Variants in ESCO1 observed in about 807,000 individuals in gnomAD.
ESCO1 encodes establishment of sister chromatid cohesion N-acetyltransferase 1.
Under a neutral mutation model 83.5 loss-of-function variants are expected in ESCO1, and 33 were observed. The observed-to-expected ratio is 0.40, with a 90% confidence interval of 0.30 to 0.53. The LOEUF is 0.53. Among genes scored for constraint, ESCO1 ranks in the 20% least tolerant of loss-of-function variants. ESCO1 has a pLI of 0.63. For synonymous variants in ESCO1, 332 were observed against 324.3 expected (o/e 1.02, Z -0.25); for missense variants, 855 against 968.0 (o/e 0.88, Z 1.55).
intron 5 of ESCO1, among the ~76,000 whole-genome samples, chr18:21,567,448 A>C (rs1009845500): frequency 2.0e-5 from 3 of 152,054 alleles, no homozygotes; most frequent in Admixed American, 6.6e-5. Flanking sequence ...TACAGGCTTG[A>C]GCCACCACGA....
intron 1 of ESCO1, among the ~76,000 whole-genome samples, chr18:21,592,518 C>T (rs1369980055): frequency 4.0e-5 from 6 of 148,924 alleles, no homozygotes; most frequent in Non-Finnish European, 9.0e-5. Context: ...AGAGGCGCCC[C>T]TCACCTCCTG....
At chr18:21,572,669 A>C (rs147335902) in intron 4 of ESCO1, among the ~76,000 whole-genome samples, 53 of 152,308 alleles carry the variant, frequency 3.5e-4, no homozygotes, top group African/African-American at 1.2e-3. Flanking sequence ...TTTAGGTCAA[A>C]AGTAGTCCCT....
chr18:21,586,319 T>C (rs2038576059), intron 1 of ESCO1, among the ~76,000 whole-genome samples: 2 of 152,244 alleles, frequency 1.3e-5, no homozygotes, highest in African/African-American at 4.8e-5. Flanking sequence ...CTGAACATAA[T>C]GTCTTCCAGT....
chr18:21,595,092 C>T (rs1427416574), intron 1 of ESCO1, among the ~76,000 whole-genome samples: 1 of 151,852 alleles, frequency 6.6e-6, no homozygotes, highest in Non-Finnish European at 1.5e-5. Context: ...AGCGATCCAC[C>T]TGCCTCGGCC....
chr18:21,537,931 T>C (rs909832280), intron 9 of ESCO1, among the ~76,000 whole-genome samples: 2 of 151,786 alleles, frequency 1.3e-5, no homozygotes, highest in African/African-American at 2.4e-5. Flanking sequence ...TCAATAAACA[T>C]ATTGGAAAAT....
chr18:21,551,455 C>A (rs2038047071), intron 8 of ESCO1, among the ~76,000 whole-genome samples: 1 of 152,106 alleles, frequency 6.6e-6, no homozygotes, highest in Non-Finnish European at 1.5e-5. Flanking sequence ...AAAAGAAACT[C>A]AATGTCTAAA....
At chr18:21,549,640 ATG>A (rs1468354582) in intron 8 of ESCO1, among the ~76,000 whole-genome samples, 1 of 151,990 alleles carries the variant, frequency 6.6e-6, no homozygotes, top group Non-Finnish European at 1.5e-5. Flanking sequence ...GTTTCAATGT[ATG>A]TATTTGGGAG....
intron 4 of ESCO1, among the ~76,000 whole-genome samples, chr18:21,570,120 T>TA (rs1256510578): frequency 6.6e-6 from 1 of 152,162 alleles, no homozygotes; most frequent in Admixed American, 6.6e-5. Flanking sequence ...TCTTTTGAGA[T>TA]AGAGTCTCAC....
Position 21,574,860 on chromosome 18 carries a change from T to C in ESCO1, c.-17A>G. ...GGACATCATTCCTGAGTAATGACTT[T>C]CTTTTCTGAGTAGTTTTGAAGAGGA... On this transcript the variant is annotated 5_prime_UTR_variant, in exon 4 of 12. Coordinates refer to ENST00000269214, the MANE Select transcript of ESCO1 (RefSeq NM_052911.3). 6.4e-7 allele frequency: 1 copy of C among 1,552,062 alleles called. No individual in the cohort carries two copies. Among genetic ancestry groups the C allele is most frequent in the Non-Finnish European group, 8.6e-7 (1 of 1,162,506 alleles).
chr18:21,584,501 C>T (rs1198853044), intron 1 of ESCO1, 61 bp from the exon 2 acceptor site: 3 of 150,854 alleles, frequency 2.0e-5, no homozygotes, highest in Non-Finnish European at 4.4e-5. Flanking sequence ...ACAACTTAGA[C>T]AAACCTAGAC....
chr18:21,537,871 GAAC>G (rs1169630311), intron 9 of ESCO1, among the ~76,000 whole-genome samples: 3 of 151,880 alleles, frequency 2.0e-5, no homozygotes, highest in African/African-American at 7.3e-5. Flanking sequence ...GTTGACCCTC[GAAC>G]AACAAAAGTT....
Position 21,570,597 on chromosome 18 carries a change from T to A in ESCO1, c.1531-2503A>T, listed in dbSNP as rs571798083. On this transcript the variant is annotated intron_variant, in intron 4 of 11. Transcript: ENST00000269214. ...TATTCTTTATGAATTTATATACACATAAAATCACAGAAATAAAAACTGAAA... is the reference window on the plus strand; with the variant it reads ...TATTCTTTATGAATTTATATACACAAAAAATCACAGAAATAAAAACTGAAA... Among the ~76,000 whole-genome samples, 4 of 152,242 alleles carry A rather than the reference T, an allele frequency of 2.6e-5. No individual in the cohort carries two copies. In the East Asian group the frequency reaches 7.7e-4, roughly 29 times the overall value.
chr18:21,539,055 C>T (rs1170753478), intron 9 of ESCO1, among the ~76,000 whole-genome samples: 1 of 151,874 alleles, frequency 6.6e-6, no homozygotes, highest in Non-Finnish European at 1.5e-5. Context: ...GTTAGACTAA[C>T]ACCTGCCTCA....
At chr18:21,592,498 G>T (rs2038689684) in intron 1 of ESCO1, among the ~76,000 whole-genome samples, 7 of 144,856 alleles carry the variant, frequency 4.8e-5, no homozygotes, top group Non-Finnish European at 6.2e-5. Context: ...CCCAGTAGGG[G>T]CGGCCGGGCA....
intron 7 of ESCO1, among the ~76,000 whole-genome samples, chr18:21,561,828 A>G (rs1445652548): frequency 6.6e-6 from 1 of 151,758 alleles, no homozygotes; most frequent in Non-Finnish European, 1.5e-5. Flanking sequence ...TCGGCCTCCT[A>G]AAGTGCTAGG....
intron 2 of ESCO1, among the ~76,000 whole-genome samples, chr18:21,579,331 G>A (rs567881979): frequency 2.0e-5 from 3 of 152,100 alleles, no homozygotes; most frequent in Admixed American, 6.5e-5. Context: ...GGTGGCACGC[G>A]CCTGTAGACA....
intron 8 of ESCO1, among the ~76,000 whole-genome samples, chr18:21,548,329 C>CA (rs925083976): frequency 1.4e-4 from 21 of 150,354 alleles, no homozygotes; most frequent in African/African-American, 3.9e-4. Context: ...CCTGTCTCTA[C>CA]AAAAAAAATA....
intron 1 of ESCO1, among the ~76,000 whole-genome samples, chr18:21,587,186 A>G (rs1452232124): frequency 1.3e-5 from 2 of 152,216 alleles, no homozygotes; most frequent in African/African-American, 4.8e-5. Context: ...AGAAATATTA[A>G]TCTGTAGTTT....
chr18:21,564,030 T>C (rs1172751485), intron 7 of ESCO1, among the ~76,000 whole-genome samples, 173 bp downstream of exon 7: 2 of 152,078 alleles, frequency 1.3e-5, no homozygotes, highest in African/African-American at 4.8e-5. Flanking sequence ...CCTCCATAAG[T>C]TGAAGCAATC....
Sources: gnomAD v4.1 joint callset for allele counts (sites outside exome capture counted in the v4.1 genomes callset) on GRCh38, gnomAD v4.1.1 for gene constraint, MANE v1.5 for transcripts, NCBI Gene and HGNC (gene_info 2026-07-23, HGNC 2026-07-21) for gene names.